EMB: variants seen among roughly 807,000 people sequenced by gnomAD.
EMB encodes embigin homolog.
Under a neutral mutation model 41.4 loss-of-function variants are expected in EMB, and 31 were observed. That is an observed-to-expected ratio of 0.75 (90% CI 0.56 to 1.01). The LOEUF (loss-of-function observed/expected upper bound fraction) is 1.01. Ranked by LOEUF, EMB falls within the 50% of genes least tolerant of loss-of-function variation. The probability of loss-of-function intolerance (pLI) is 0.00; values close to 1 mark genes in which losing one functional copy is unlikely to be tolerated. For synonymous variants in EMB, 137 were observed against 140.4 expected (o/e 0.98, Z 0.17); for missense variants, 379 against 388.3 (o/e 0.98, Z 0.20).
chr5:50,440,949 G>A, intron 1 of EMB, 91 bp downstream of exon 1: 3 of 945,260 alleles, frequency 3.2e-6, no homozygotes, highest in East Asian at 6.7e-5. Flanking sequence ...CGCCACCCTT[G>A]CCCGGCGCGC....
intron 2 of EMB, 28 bp downstream of exon 2, chr5:50,428,116 T>C: frequency 6.6e-7 from 1 of 1,510,478 alleles, no homozygotes; most frequent in Non-Finnish European, 9.1e-7. Flanking sequence ...TTTTTCGAAT[T>C]GCATTATTTG....
intron 7 of EMB, among the ~76,000 whole-genome samples, chr5:50,401,099 T>C (rs1266231893): frequency 6.6e-6 from 1 of 152,030 alleles, no homozygotes. Context: ...AAATAAGATA[T>C]CTATGTTCTC....
intron 2 of EMB, among the ~76,000 whole-genome samples, chr5:50,419,005 T>C (rs1159755159): frequency 6.6e-6 from 1 of 152,146 alleles, no homozygotes; most frequent in African/African-American, 2.4e-5. Context: ...CTAGAACATA[T>C]GATAATACTT....
intron 2 of EMB, among the ~76,000 whole-genome samples, chr5:50,426,305 G>T (rs1383812135): frequency 1.3e-5 from 2 of 152,154 alleles, no homozygotes; most frequent in Non-Finnish European, 2.9e-5. Context: ...ATTACAAATA[G>T]TAATAGTACC....
intron 2 of EMB, among the ~76,000 whole-genome samples, chr5:50,419,548 TACAC>T (rs58712109): frequency 1.7e-4 from 25 of 147,224 alleles, no homozygotes; most frequent in Non-Finnish European, 1.8e-4. Context: ...CACACACACA[TACAC>T]ACACACACAC....
At chr5:50,402,195 T>A in intron 7 of EMB, 91 bp downstream of exon 7, 1 of 1,380,300 alleles carries the variant, frequency 7.2e-7, no homozygotes, top group Non-Finnish European at 1.0e-6. Flanking sequence ...TCCTCTGCCT[T>A]TTCTCCCCCT....
chr5:50,428,273 A>C (rs771578554), intron 1 of EMB, 46 bp from the exon 2 acceptor site: 2 of 1,438,170 alleles, frequency 1.4e-6, no homozygotes, highest in Non-Finnish European at 9.7e-7. Flanking sequence ...TCAAGAGTAA[A>C]TGACTATCTA....
chr5:50,439,989 A>C (rs1745870723), intron 1 of EMB, among the ~76,000 whole-genome samples: 1 of 152,160 alleles, frequency 6.6e-6, no homozygotes, highest in African/African-American at 2.4e-5. Context: ...AAGTAATTAT[A>C]AACAGGTGAA....
At chr5:50,418,414 C>T (rs1363856942) in intron 2 of EMB, among the ~76,000 whole-genome samples, 1 of 152,206 alleles carries the variant, frequency 6.6e-6, no homozygotes, top group African/African-American at 2.4e-5. Flanking sequence ...GATATTTCTT[C>T]TCTCTGCCCA....
intron 1 of EMB, among the ~76,000 whole-genome samples, chr5:50,440,533 C>CAAAAAA (rs70972912): frequency 6.2e-4 from 37 of 60,052 alleles, no homozygotes; most frequent in African/African-American, 2.4e-3. Flanking sequence ...AACTCCGTCT[C>CAAAAAA]AAAAAAAAAA....
chr5:50,402,176 A>G (rs1745173424), intron 7 of EMB, 110 bp downstream of exon 7: 1 of 1,181,322 alleles, frequency 8.5e-7, no homozygotes, highest in East Asian at 2.5e-5. Flanking sequence ...GGACATATAC[A>G]GAAAATACTC....
intron 1 of EMB, among the ~76,000 whole-genome samples, chr5:50,428,903 TTTTTA>T (rs998897689): frequency 1.3e-5 from 2 of 152,060 alleles, no homozygotes; most frequent in African/African-American, 4.8e-5. Context: ...TTTATTTTTA[TTTTTA>T]TTTTGAGATG....
chr5:50,402,215 C>T, intron 7 of EMB, 71 bp downstream of exon 7: 4 of 1,506,952 alleles, frequency 2.7e-6, no homozygotes, highest in East Asian at 4.5e-5. Context: ...TAACTGCAAA[C>T]ATTTCATTCA....
chr5:50,414,355 T>A (rs1320737310), intron 2 of EMB, among the ~76,000 whole-genome samples: 1 of 150,826 alleles, frequency 6.6e-6, no homozygotes, highest in Non-Finnish European at 1.5e-5. Flanking sequence ...TGAGACCTCA[T>A]CTCCACAAAA....
chr5:50,433,198 C>G (rs1045621703), intron 1 of EMB, among the ~76,000 whole-genome samples: 9 of 151,804 alleles, frequency 5.9e-5, no homozygotes, highest in Non-Finnish European at 1.5e-5. Context: ...ATTTTCTGCA[C>G]AGTATGGAAG....
At chr5:50,417,298 C>G (rs1163946795) in intron 2 of EMB, among the ~76,000 whole-genome samples, 2 of 152,178 alleles carry the variant, frequency 1.3e-5, no homozygotes, top group Non-Finnish European at 2.9e-5. Flanking sequence ...TTATTTTTAT[C>G]ATTAATGTTG....
intron 1 of EMB, among the ~76,000 whole-genome samples, chr5:50,429,966 CTT>C (rs1445074508): frequency 2.7e-4 from 23 of 85,198 alleles, no homozygotes; most frequent in Middle Eastern, 4.9e-3. Flanking sequence ...CCCCAACTCT[CTT>C]TCTCTCTCTC....
chr5:50,405,371 TCA>T (rs1745230655), intron 5 of EMB, among the ~76,000 whole-genome samples: 1 of 151,930 alleles, frequency 6.6e-6, no homozygotes, highest in Non-Finnish European at 1.5e-5. Context: ...CTAGTTACTT[TCA>T]TGGAATGATT....
intron 4 of EMB, among the ~76,000 whole-genome samples, chr5:50,407,860 G>A (rs559911680): frequency 8.6e-5 from 13 of 151,912 alleles, no homozygotes; most frequent in Non-Finnish European, 1.9e-4. Flanking sequence ...TAGGAAGATG[G>A]GGTTTGGATA....
Sources: gnomAD v4.1 joint callset for allele counts (sites outside exome capture counted in the v4.1 genomes callset) on GRCh38, gnomAD v4.1.1 for gene constraint, MANE v1.5 for transcripts, NCBI Gene and HGNC (gene_info 2026-07-23, HGNC 2026-07-21) for gene names.